The following RALGPS2 variants were observed in gnomAD, a reference collection of about 807,000 sequenced individuals.
RALGPS2 encodes the protein Ral GEF with PH domain and SH3 binding motif 2, also known as ras-specific guanine nucleotide-releasing factor RalGPS2.
Under a neutral mutation model 86.8 loss-of-function variants are expected in RALGPS2, and 43 were observed. That is an observed-to-expected ratio of 0.50 (90% confidence interval 0.39 to 0.64). The LOEUF (loss-of-function observed/expected upper bound fraction) is 0.64. RALGPS2 is among the 30% of genes least tolerant of loss of function. The pLI is 0.00. For missense variants in RALGPS2, 536 were observed against 694.6 expected, an observed-to-expected ratio of 0.77 and a Z score of 2.57; for synonymous variants, 243 against 231.3, an observed-to-expected ratio of 1.05 and a Z score of -0.46.
chr1:178,839,588 G>A (rs894409246), intron 8 of RALGPS2, among the ~76,000 whole-genome samples: 2 of 152,094 alleles, frequency 1.3e-5, no homozygotes. Flanking sequence ...TTGATGCTAG[G>A]AAGAAACTGC....
chr1:178,893,117 C>G (rs1659786489), intron 15 of RALGPS2, among the ~76,000 whole-genome samples: 1 of 152,066 alleles, frequency 6.6e-6, no homozygotes, highest in Admixed American at 6.6e-5. Flanking sequence ...CAGCTCATGT[C>G]AAGTCACCAG....
intron 4 of RALGPS2, among the ~76,000 whole-genome samples, chr1:178,797,985 T>TA (rs57049056): frequency 0.31 from 29,381 of 95,220 alleles, 3,973 homozygotes; most frequent in Non-Finnish European, 0.37. Flanking sequence ...CAACAATTTG[T>TA]AAAAAAAAAA....
chr1:178,789,832 G>A (rs1254618138), intron 4 of RALGPS2, among the ~76,000 whole-genome samples: 1 of 152,196 alleles, frequency 6.6e-6, no homozygotes, highest in Non-Finnish European at 1.5e-5. Context: ...CATAGTGGAA[G>A]CTCAATATTT....
intron 8 of RALGPS2, among the ~76,000 whole-genome samples, chr1:178,863,214 G>T (rs1658153818): frequency 3.3e-5 from 5 of 152,148 alleles, no homozygotes; most frequent in Admixed American, 2.6e-4. Context: ...CCAAAAAGGG[G>T]ACATGAGTAG....
chr1:178,847,227 C>A (rs1656911144), intron 8 of RALGPS2, among the ~76,000 whole-genome samples: 1 of 152,210 alleles, frequency 6.6e-6, no homozygotes, highest in Admixed American at 6.5e-5. Context: ...AGGCGGATCA[C>A]CTGAGGTCAG....
At chr1:178,856,198 G>GATATATATAT (rs1232946834) in intron 8 of RALGPS2, among the ~76,000 whole-genome samples, 5 of 47,266 alleles carry the variant, frequency 1.1e-4, no homozygotes, top group African/African-American at 2.5e-4. Flanking sequence ...TCCAGAGAGA[G>GATATATATAT]AGAGATATAT....
intron 8 of RALGPS2, chr1:178,865,914 T>C (rs537534691): frequency 3.3e-5 from 20 of 613,676 alleles, no homozygotes; most frequent in South Asian, 3.3e-4. Context: ...TATTTATTGG[T>C]GTTAATAGAT....
At chr1:178,913,279 T>A in intron 19 of RALGPS2, among the ~76,000 whole-genome samples, 1 of 148,650 alleles carries the variant, frequency 6.7e-6, no homozygotes, top group Non-Finnish European at 1.5e-5. Flanking sequence ...AAGACTCCCA[T>A]CTCAAAAAAA....
chr1:178,894,320 A>G, intron 16 of RALGPS2: 1 of 188,222 alleles, frequency 5.3e-6, no homozygotes, highest in Non-Finnish European at 1.1e-5. Context: ...AAGCCCACAC[A>G]GTAACCGTAA....
In RALGPS2 at chr1:178,879,273, A is replaced by G. The variant is rs546060203; in HGVS notation, c.836+281A>G. 8.9e-4 allele frequency: 216 copies of G among 241,412 alleles called. 5 individuals are homozygous for G. In the South Asian group the frequency reaches 0.031, roughly 34 times the overall value. 15.0% of individuals were successfully genotyped at this position (241,412 alleles called of 1,614,324 possible). A position where few individuals can be genotyped will look rare whatever the true frequency, so the allele number is the denominator to read the frequency against. On this transcript the variant is annotated intron_variant, in intron 10 of 19. Transcript: ENST00000367635. ...AATTTCTTCCTTTCCCCCATATTCA[A>G]TCATTGAATCCTTATAGAATTTGTC... is the stretch of plus-strand genomic sequence containing the variant.
intron 8 of RALGPS2, chr1:178,850,282 T>C (rs73039834): frequency 3.3e-5 from 5 of 152,542 alleles, no homozygotes; most frequent in Admixed American, 1.3e-4. Flanking sequence ...ATCAGTAAAT[T>C]AGAAAAAAAG....
intron 8 of RALGPS2, among the ~76,000 whole-genome samples, chr1:178,835,916 T>G (rs1481628209): frequency 6.6e-6 from 1 of 152,226 alleles, no homozygotes; most frequent in East Asian, 1.9e-4. Flanking sequence ...TCAAACTAAA[T>G]TTCATAATTT....
intron 8 of RALGPS2, among the ~76,000 whole-genome samples, chr1:178,855,684 A>G (rs1054902612): frequency 1.3e-5 from 2 of 151,772 alleles, no homozygotes; most frequent in African/African-American, 4.8e-5. Context: ...TTATAAACAT[A>G]TTTTCCTTTA....
chr1:178,772,904 C>T (rs929211995), intron 1 of RALGPS2, among the ~76,000 whole-genome samples: 3 of 152,100 alleles, frequency 2.0e-5, no homozygotes, highest in Admixed American at 1.3e-4. Context: ...CAGGTTCAAG[C>T]GATTCTCCTA....
Position 178,758,469 on chromosome 1 carries a change from G to A in RALGPS2, c.-83-18213G>A, listed in dbSNP as rs1186288027. Among the ~76,000 whole-genome samples, 4 of 152,038 alleles carry A rather than the reference G, an allele frequency of 2.6e-5. No homozygotes were observed. In the East Asian group the frequency reaches 7.7e-4, roughly 29 times the overall value. On this transcript the variant is annotated intron_variant, in intron 1 of 19. Coordinates refer to ENST00000367635, the MANE Select transcript of RALGPS2 (RefSeq NM_152663.5). ...TTATTGACTATAGTCACCCTGTAGT[G>A]CTATCAAATACTAGGTCTTATTCTT...
At chr1:178,747,471 A>G in intron 1 of RALGPS2, 3 of 1,601,852 alleles carry the variant, frequency 1.9e-6, no homozygotes, top group East Asian at 2.2e-5. Flanking sequence ...GTTGGCCAGT[A>G]CTGTGCACAT....
intron 1 of RALGPS2, among the ~76,000 whole-genome samples, chr1:178,763,246 G>A (rs1652337076): frequency 6.6e-6 from 1 of 152,182 alleles, no homozygotes; most frequent in Admixed American, 6.5e-5. Context: ...GGTTACTGTA[G>A]CCTTGTGGTA....
At chr1:178,772,518 G>A (rs1482821214) in intron 1 of RALGPS2, among the ~76,000 whole-genome samples, 1 of 152,180 alleles carries the variant, frequency 6.6e-6, no homozygotes, top group Non-Finnish European at 1.5e-5. Flanking sequence ...CTGTACAGGA[G>A]ATAAAGCATA....
At chr1:178,819,680 A>AT (rs1334139657) in intron 6 of RALGPS2, among the ~76,000 whole-genome samples, 1 of 152,212 alleles carries the variant, frequency 6.6e-6, no homozygotes, top group Non-Finnish European at 1.5e-5. Context: ...GTGAATTTTC[A>AT]TAAGATGTGT....
Sources: allele counts gnomAD v4.1 joint callset (sites outside exome capture counted in the v4.1 genomes callset), GRCh38; gene constraint gnomAD v4.1.1; transcripts MANE v1.5; gene names NCBI Gene and HGNC (gene_info 2026-07-23, HGNC 2026-07-21).